CC2D2A: variants seen among roughly 807,000 people sequenced by gnomAD.
The protein encoded by CC2D2A is coiled-coil and C2 domain-containing protein 2A.
A neutral mutation model predicts 212.9 loss-of-function variants in CC2D2A; 155 were observed. The ratio of observed to expected loss-of-function variants is 0.73; its 90% confidence interval spans 0.64 to 0.83. The LOEUF (loss-of-function observed/expected upper bound fraction) is 0.83, where lower values mean the gene tolerates loss of function less well. Among genes scored for constraint, CC2D2A ranks in the 40% least tolerant of loss-of-function variants. The pLI, the probability that CC2D2A is intolerant of heterozygous loss-of-function variation, is 0.00. For missense variants in CC2D2A, 1,856 were observed against 1,956.2 expected (o/e 0.95, Z 0.97); for synonymous variants, 667 against 686.5 (o/e 0.97, Z 0.44).
intron 34 of CC2D2A, 105 bp from the exon 35 acceptor site, chr4:15,597,302 A>T (rs776984972): frequency 5.2e-5 from 43 of 826,460 alleles, no homozygotes; most frequent in Non-Finnish European, 7.6e-5. Flanking sequence ...ATTATTTTCT[A>T]TATCTCGATG....
chr4:15,600,916 AAAAAAG>A (rs1460872893), intron 36 of CC2D2A, among the ~76,000 whole-genome samples: 32 of 150,234 alleles, frequency 2.1e-4, no homozygotes, highest in Non-Finnish European at 3.0e-4. Context: ...AAAAAAAAAA[AAAAAAG>A]AAAAAAGAAA....
intron 16 of CC2D2A, 86 bp from the exon 17 acceptor site, chr4:15,540,751 G>T (rs1718383664): frequency 7.8e-7 from 1 of 1,279,756 alleles, no homozygotes; most frequent in African/African-American, 1.5e-5. Context: ...AGTGTGTCTT[G>T]TTCTGTTCAG....
At chr4:15,542,825 G>T (rs1269977996) in intron 17 of CC2D2A, among the ~76,000 whole-genome samples, 1 of 152,112 alleles carries the variant, frequency 6.6e-6, no homozygotes, top group Non-Finnish European at 1.5e-5. Flanking sequence ...GAACCCAGGA[G>T]GTGGGTTCAA....
intron 4 of CC2D2A, chr4:15,492,963 C>A: frequency 2.1e-6 from 1 of 483,690 alleles, no homozygotes; most frequent in South Asian, 1.6e-5. Context: ...TTTTTGATGT[C>A]ATCATATTTG....
intron 7 of CC2D2A, among the ~76,000 whole-genome samples, chr4:15,510,749 A>G (rs1300522496): frequency 1.3e-5 from 2 of 152,202 alleles, no homozygotes; most frequent in African/African-American, 4.8e-5. Context: ...GCATGGAAAG[A>G]CAGGAAATGT....
chr4:15,496,753 T>C (rs1715639878), intron 4 of CC2D2A, among the ~76,000 whole-genome samples: 1 of 152,100 alleles, frequency 6.6e-6, no homozygotes. Flanking sequence ...ATTAGTAGCA[T>C]TTCTACACCC....
chr4:15,537,082 TAAAC>T lies in CC2D2A; in HGVS notation c.1764+12_1764+15del. 1.2e-6 allele frequency: 2 copies of T among 1,612,488 alleles called. No homozygotes were observed. Among genetic ancestry groups the T allele is most frequent in the Non-Finnish European group, 1.7e-6 (2 of 1,179,032 alleles). ...AGGCCTGGAGGAAAGTGCAAGTGTGTAAACAAACACTCAGCCTGGAATAGGGCTG... is the reference window on the plus strand; with the variant it reads ...AGGCCTGGAGGAAAGTGCAAGTGTGTAAACACTCAGCCTGGAATAGGGCTG... On this transcript the variant is annotated splice_region_variant and intron_variant, in intron 15 of 36. Coordinates refer to ENST00000424120, the MANE Select transcript of CC2D2A (RefSeq NM_001378615.1).
In CC2D2A at chr4:15,555,108, C is replaced by T; in HGVS notation, c.2523C>T (p.Gly841=). 1 of 1,613,590 alleles carries T rather than the reference C, an allele frequency of 6.2e-7. No homozygotes were observed. The highest frequency in any genetic ancestry group is 8.5e-7 in the Non-Finnish European group (1 of 1,179,716). ...AAGCAGATGCCATCTCATCTATTGG[C>T]ACATCAGGACTGACAGACATGAAAA... ...LKKADAISSI[G]TSGLTDMKKL... The change falls in exon 20 of 37, where the codon GGC becomes GGT. Residue 841 remains glycine, a synonymous_variant. Transcript: ENST00000424120.
At chr4:15,569,436 C>A in intron 27 of CC2D2A, 47 bp downstream of exon 27, 1 of 1,049,798 alleles carries the variant, frequency 9.5e-7, no homozygotes, top group Non-Finnish European at 1.4e-6. Context: ...CTTTCATATC[C>A]TCTACCCACT....
At chr4:15,563,149 G>A (rs939747818) in intron 23 of CC2D2A, among the ~76,000 whole-genome samples, 3 of 152,232 alleles carry the variant, frequency 2.0e-5, no homozygotes, top group Admixed American at 2.0e-4. Flanking sequence ...CCTTGGATAA[G>A]CAGCAGCTAG....
intron 17 of CC2D2A, among the ~76,000 whole-genome samples, chr4:15,547,698 A>C (rs1221490906): frequency 6.6e-6 from 1 of 152,144 alleles, no homozygotes; most frequent in Non-Finnish European, 1.5e-5. Context: ...TTAAAGCCCA[A>C]AGTACCCATT....
rs989096775 is a variant in CC2D2A, at chr4:15,567,461, T to C, written c.3267T>C (p.Asn1089=). 1 of 1,613,328 alleles carries C rather than the reference T, an allele frequency of 6.2e-7. No homozygotes were observed. Among genetic ancestry groups the C allele is most frequent in the African/African-American group, 1.3e-5 (1 of 74,884 alleles). The change falls in exon 25 of 37, where the codon AAT becomes AAC. Residue 1089 remains asparagine, a synonymous_variant. Coordinates refer to ENST00000424120, the MANE Select transcript of CC2D2A (RefSeq NM_001378615.1). The part of the protein sequence containing the change: ...ASPSTYSPTH[N]ADYPLGQVLV... ...CAAGCACGTACAGCCCAACCCACAA[T>C]GCTGACTACCCCCTCGGCCAGGTGA... is the stretch of plus-strand genomic sequence containing the variant.
At chr4:15,587,414 T>G (rs1040263840) in intron 31 of CC2D2A, among the ~76,000 whole-genome samples, 6 of 152,248 alleles carry the variant, frequency 3.9e-5, no homozygotes, top group Admixed American at 1.3e-4. Flanking sequence ...AGTGTTACCT[T>G]ATTAATCTGT....
intron 32 of CC2D2A, among the ~76,000 whole-genome samples, chr4:15,588,387 A>G (rs1720945634): frequency 6.6e-6 from 1 of 152,338 alleles, no homozygotes; most frequent in African/African-American, 2.4e-5. Flanking sequence ...AATAAGCCAG[A>G]TAAGGAGGAA....
intron 11 of CC2D2A, among the ~76,000 whole-genome samples, chr4:15,525,966 A>G (rs569732925): frequency 2.0e-5 from 3 of 152,362 alleles, no homozygotes; most frequent in East Asian, 3.9e-4. Flanking sequence ...AATATAGTCA[A>G]TTCATCCTGA....
intron 29 of CC2D2A, among the ~76,000 whole-genome samples, chr4:15,575,478 G>A (rs767458567): frequency 6.6e-6 from 1 of 152,188 alleles, no homozygotes; most frequent in African/African-American, 2.4e-5. Context: ...TCACATGTAA[G>A]CGTAAGTTGT....
intron 4 of CC2D2A, chr4:15,481,231 A>G: frequency 2.2e-6 from 1 of 455,374 alleles, no homozygotes; most frequent in Non-Finnish European, 4.4e-6. Context: ...TGGGCAGGCC[A>G]GGCACGGTGA....
intron 36 of CC2D2A, among the ~76,000 whole-genome samples, chr4:15,601,010 C>T (rs985064795): frequency 1.3e-5 from 2 of 151,504 alleles, no homozygotes; most frequent in Non-Finnish European, 2.9e-5. Flanking sequence ...AAAGAGGGAA[C>T]AGTGATGGAG....
chr4:15,577,167 T>A (rs759252923), intron 29 of CC2D2A, among the ~76,000 whole-genome samples: 1 of 152,238 alleles, frequency 6.6e-6, no homozygotes, highest in Admixed American at 6.5e-5. Flanking sequence ...TAATTTTGTT[T>A]ATTTTTTTTG....
Sources: allele counts gnomAD v4.1 joint callset (sites outside exome capture counted in the v4.1 genomes callset), GRCh38; gene constraint gnomAD v4.1.1; transcripts MANE v1.5; gene names NCBI Gene and HGNC (gene_info 2026-07-23, HGNC 2026-07-21).